The following TMX2 variants were observed in gnomAD, a reference collection of about 807,000 sequenced individuals.
TMX2 encodes thioredoxin-related transmembrane protein 2.
In TMX2, 20 loss-of-function variants were observed where a neutral mutation model predicts 33.4. The ratio of observed to expected loss-of-function variants is 0.60; its 90% confidence interval spans 0.42 to 0.87. TMX2 has a LOEUF of 0.87. Among genes scored for constraint, TMX2 ranks in the 40% least tolerant of loss-of-function variants. TMX2 has a pLI of 0.00. For synonymous variants in TMX2, 166 were observed against 140.7 expected (o/e 1.18, Z -1.27); for missense variants, 340 against 370.7 (o/e 0.92, Z 0.68).
chr11:57,715,586 C>CTTTTTTTTTTTTTTTTTTTTTTTTTTTTT (rs367827761), intron 1 of TMX2, among the ~76,000 whole-genome samples: 1 of 130,120 alleles, frequency 7.7e-6, no homozygotes, highest in African/African-American at 2.9e-5. Flanking sequence ...AATTTGTTTT[C>CTTTTTTTTTTTTTTTTTTTTTTTTTTTTT]TTTTTTTTTT....
chr11:57,724,612 A>T (rs78044519), intron 1 of TMX2, among the ~76,000 whole-genome samples: 30 of 140,842 alleles, frequency 2.1e-4, no homozygotes, highest in South Asian at 9.0e-4. Context: ...TCTGGGGATT[A>T]AAAAAAAAAA....
rs1947309141 is a variant in TMX2 at position 57,718,202 on chromosome 11, C to T, written c.189+5395C>T. The T allele has an allele frequency of 6.6e-6, 9 of 1,366,974 alleles. No individual in the cohort carries two copies. In the South Asian group the frequency reaches 1.1e-4, roughly 16 times the overall value. The allele number at this position is 1,366,974 out of a possible 1,614,324, so 84.7% of individuals were successfully genotyped here. A position where few individuals can be genotyped will look rare whatever the true frequency, so the allele number is the denominator to read the frequency against. ...CACTCTTGGCAGTGTAGATGAAAAG[C>T]TGGGAACCTTTTGTGTTGGGTCCAG... On this transcript the variant is annotated intron_variant, in intron 1 of 7. Transcript: ENST00000278422.
At chr11:57,735,851 C>T (rs1220050198) in intron 1 of TMX2, among the ~76,000 whole-genome samples, 2 of 152,182 alleles carry the variant, frequency 1.3e-5, no homozygotes, top group Admixed American at 1.3e-4. Flanking sequence ...TATGCATTCT[C>T]CTTAGCCTGG....
At chr11:57,720,096 C>T (rs1159370302) in intron 1 of TMX2, among the ~76,000 whole-genome samples, 1 of 146,876 alleles carries the variant, frequency 6.8e-6, no homozygotes, top group African/African-American at 2.5e-5. Flanking sequence ...TAAAATCAGC[C>T]TGGCCAACGT....
chr11:57,718,769 C>A (rs958347016), intron 1 of TMX2, among the ~76,000 whole-genome samples: 14 of 150,430 alleles, frequency 9.3e-5, no homozygotes, highest in African/African-American at 3.4e-4. Context: ...AATTCTCCTG[C>A]CTCAGCCTCC....
At chr11:57,718,501 G>A (rs1467688956) in intron 1 of TMX2, 4 of 821,004 alleles carry the variant, frequency 4.9e-6, no homozygotes, top group Admixed American at 1.8e-5. Flanking sequence ...CACCATCCAC[G>A]GTGATGTCAA....
chr11:57,735,138 G>T (rs1037521853), intron 1 of TMX2, among the ~76,000 whole-genome samples: 6 of 151,650 alleles, frequency 4.0e-5, no homozygotes, highest in African/African-American at 1.2e-4. Flanking sequence ...TCAAAAAAAA[G>T]AAAAAATCTT....
intron 7 of TMX2, among the ~76,000 whole-genome samples, chr11:57,739,872 A>G (rs756472632): frequency 6.6e-6 from 1 of 152,210 alleles, no homozygotes; most frequent in Non-Finnish European, 1.5e-5. Flanking sequence ...TTTGCAGATT[A>G]CATTAAATAA....
Position 57,740,187 on chromosome 11 carries a change from A to C in TMX2, c.833A>C (p.Gln278Pro), listed in dbSNP as rs1432780804. The stretch of plus-strand genomic sequence containing the variant: ...GCTGGAGACAATATCCCTGAGGAGC[A>C]GCCTGTGGCTTCAACCCCCACCACA... ...SKAGDNIPEE[Q>P]PVASTPTTVS... The change falls in exon 8 of 8, where the codon CAG becomes CCG. Residue 278 changes from glutamine to proline, a missense_variant. Gln to Pro is a moderately conservative substitution (Grantham distance 76). Coordinates refer to ENST00000278422, the MANE Select transcript of TMX2 (RefSeq NM_015959.4). 1 of 1,613,954 alleles carries C rather than the reference A, an allele frequency of 6.2e-7. No homozygotes were observed. Among genetic ancestry groups the C allele is most frequent in the East Asian group, 2.2e-5 (1 of 44,878 alleles).
intron 1 of TMX2, among the ~76,000 whole-genome samples, chr11:57,713,088 C>T (rs562651197): frequency 6.6e-6 from 1 of 152,342 alleles, no homozygotes; most frequent in East Asian, 1.9e-4. Flanking sequence ...GACTAATTAA[C>T]AGCCCTATCA....
intron 1 of TMX2, among the ~76,000 whole-genome samples, chr11:57,721,297 T>C (rs970006495): frequency 2.0e-5 from 3 of 151,184 alleles, no homozygotes; most frequent in Non-Finnish European, 4.4e-5. Flanking sequence ...TGAGACTCCA[T>C]CTCCAATCAA....
chr11:57,726,478 G>C (rs1338193317), intron 1 of TMX2, among the ~76,000 whole-genome samples: 2 of 150,872 alleles, frequency 1.3e-5, no homozygotes, highest in African/African-American at 4.9e-5. Context: ...GTTTATTGTT[G>C]GCTTTTTTTT....
At chr11:57,730,936 A>C (rs571250514) in intron 1 of TMX2, among the ~76,000 whole-genome samples, 2 of 152,272 alleles carry the variant, frequency 1.3e-5, no homozygotes, top group South Asian at 2.1e-4. Context: ...AAAGAAAATC[A>C]TATCTTTCTA....
intron 1 of TMX2, among the ~76,000 whole-genome samples, chr11:57,713,140 A>G (rs527457723): frequency 2.0e-5 from 3 of 152,300 alleles, no homozygotes; most frequent in East Asian, 3.9e-4. Flanking sequence ...AGTGCCGCTC[A>G]TTATGTAAAG....
chr11:57,737,758 G>A (rs1305038571), intron 2 of TMX2, 90 bp downstream of exon 2: 2 of 1,570,166 alleles, frequency 1.3e-6, no homozygotes, highest in Non-Finnish European at 8.8e-7. Context: ...CAATCATTTG[G>A]TAAATTTGTC....
intron 1 of TMX2, among the ~76,000 whole-genome samples, chr11:57,737,221 A>G (rs1948802504): frequency 6.6e-6 from 1 of 152,132 alleles, no homozygotes; most frequent in Admixed American, 6.5e-5. Context: ...GGAGTTTGAG[A>G]CCAGCCTGGC....
chr11:57,717,706 AGGGAGACCGAG>A (rs1382803367), intron 1 of TMX2, among the ~76,000 whole-genome samples: 7 of 43,480 alleles, frequency 1.6e-4, no homozygotes, highest in Admixed American at 3.6e-4. Flanking sequence ...AGAGAGGGAG[AGGGAGACCGAG>A]AGGGAGAGGG....
At chr11:57,737,560 T>C (rs765581198) in intron 1 of TMX2, 48 bp from the exon 2 acceptor site, 7 of 1,523,216 alleles carry the variant, frequency 4.6e-6, no homozygotes, top group Non-Finnish European at 5.5e-6. Flanking sequence ...CCACCTAAGT[T>C]AGCTCTAGTC....
At chr11:57,723,005 G>A (rs967913140) in intron 1 of TMX2, among the ~76,000 whole-genome samples, 1 of 152,138 alleles carries the variant, frequency 6.6e-6, no homozygotes, top group Non-Finnish European at 1.5e-5. Context: ...CAGCTACTTG[G>A]GAGGCTGAGG....
Sources: allele counts gnomAD v4.1 joint callset (sites outside exome capture counted in the v4.1 genomes callset), GRCh38; gene constraint gnomAD v4.1.1; transcripts MANE v1.5; gene names NCBI Gene and HGNC (gene_info 2026-07-23, HGNC 2026-07-21).